GSE1: variants seen among roughly 807,000 people sequenced by gnomAD.
The protein encoded by GSE1 is genetic suppressor element 1.
A neutral mutation model predicts 112.6 loss-of-function variants in GSE1; 32 were observed. The ratio of observed to expected loss-of-function variants is 0.28; its 90% CI spans 0.21 to 0.38. The LOEUF (loss-of-function observed/expected upper bound fraction) is 0.38, where lower values mean the gene tolerates loss of function less well. Ranked by LOEUF, GSE1 falls within the 10% of genes least tolerant of loss-of-function variation. GSE1 has a pLI of 1.00. For synonymous variants in GSE1, 1,115 were observed against 735.6 expected (o/e 1.52, Z -8.35); for missense variants, 2,348 against 1,699.2 (o/e 1.38, Z -6.71).
chr16:85,364,000 G>A (rs1157139072), intron 2 of GSE1, among the ~76,000 whole-genome samples: 1 of 152,162 alleles, frequency 6.6e-6, no homozygotes, highest in Non-Finnish European at 1.5e-5. Context: ...CACAAACTTC[G>A]TGGCTTAAAA....
intron 1 of GSE1, among the ~76,000 whole-genome samples, chr16:85,235,752 C>T (rs1904568215): frequency 6.6e-6 from 1 of 151,136 alleles, no homozygotes; most frequent in Admixed American, 6.6e-5. Flanking sequence ...GGGGGCCCGC[C>T]CGCCCCAGGA....
intron 1 of GSE1, among the ~76,000 whole-genome samples, chr16:85,621,740 T>TGTGTCATCCGTGTCTC (rs2048757014): frequency 6.6e-6 from 1 of 152,208 alleles, no homozygotes; most frequent in Non-Finnish European, 1.5e-5. Context: ...CCTGGGGTTT[T>TGTGTCATCCGTGTCTC]GTGTCATCCG....
intron 2 of GSE1, among the ~76,000 whole-genome samples, chr16:85,436,475 T>C (rs2049249229): frequency 6.6e-6 from 1 of 152,268 alleles, no homozygotes; most frequent in Non-Finnish European, 1.5e-5. Context: ...TCTTTCATTT[T>C]ACTTGGGGTA....
chr16:85,309,586 C>T (rs1359269726), intron 1 of GSE1, among the ~76,000 whole-genome samples: 2 of 152,234 alleles, frequency 1.3e-5, no homozygotes, highest in Non-Finnish European at 1.5e-5. Flanking sequence ...TCCAAAATAG[C>T]GTCCTCGAGG....
At chr16:85,317,760 T>A (rs983152920) in intron 1 of GSE1, among the ~76,000 whole-genome samples, 2 of 152,214 alleles carry the variant, frequency 1.3e-5, no homozygotes, top group Non-Finnish European at 2.9e-5. Context: ...CCTGCCGCGC[T>A]GCCCACCAGT....
chr16:85,371,584 A>T (rs1017542704), intron 2 of GSE1, among the ~76,000 whole-genome samples: 6 of 152,150 alleles, frequency 3.9e-5, no homozygotes, highest in Admixed American at 3.3e-4. Context: ...GCCACAGCTG[A>T]CAGCCTTCTG....
intron 1 of GSE1, among the ~76,000 whole-genome samples, chr16:85,200,530 C>T (rs897771288): frequency 6.6e-6 from 1 of 152,124 alleles, no homozygotes; most frequent in Admixed American, 6.5e-5. Flanking sequence ...AAATCCTGAC[C>T]TGTCAGCTCT....
intron 1 of GSE1, among the ~76,000 whole-genome samples, chr16:85,556,529 G>A (rs1231116630): frequency 1.3e-5 from 2 of 151,396 alleles, no homozygotes; most frequent in African/African-American, 4.8e-5. Context: ...CTGCGGTCAA[G>A]CCCGCGGTGT....
intron 1 of GSE1, among the ~76,000 whole-genome samples, chr16:85,632,227 G>A (rs914744569): frequency 3.3e-5 from 5 of 152,232 alleles, no homozygotes; most frequent in African/African-American, 7.2e-5. Context: ...CGGCCACGGC[G>A]CCACCTGGCT....
chr16:85,310,079 G>GT (rs2045794154), intron 1 of GSE1, among the ~76,000 whole-genome samples: 1 of 152,238 alleles, frequency 6.6e-6, no homozygotes, highest in Non-Finnish European at 1.5e-5. Flanking sequence ...AAGCCACTTA[G>GT]CACGGCCTCA....
chr16:85,296,880 G>T (rs1460949384), intron 1 of GSE1, among the ~76,000 whole-genome samples: 1 of 151,622 alleles, frequency 6.6e-6, no homozygotes, highest in Non-Finnish European at 1.5e-5. Flanking sequence ...CTTGCAGTCT[G>T]TGAGGGCGGG....
intron 1 of GSE1, among the ~76,000 whole-genome samples, chr16:85,560,171 C>G (rs2045450395): frequency 8.6e-6 from 1 of 116,096 alleles, no homozygotes; most frequent in Non-Finnish European, 1.6e-5. Context: ...GAGTCTCTCT[C>G]TCTTGCCAGG....
At chr16:85,555,678 C>T (rs988002511), upstream of GSE1, 12 of 902,840 alleles carry the variant, frequency 1.3e-5, no homozygotes, top group Non-Finnish European at 1.5e-5. Flanking sequence ...TCCCGCCGCC[C>T]CCCCCTTCCT....
At chr16:85,643,356 G>A (rs2050599213) in intron 2 of GSE1, among the ~76,000 whole-genome samples, 1 of 152,216 alleles carries the variant, frequency 6.6e-6, no homozygotes, top group Non-Finnish European at 1.5e-5. Context: ...GCCTGGCGTT[G>A]TGGGGGCATC....
Position 85,341,887 on chromosome 16 carries a change from C to G in GSE1, c.2284-15576C>G, listed in dbSNP as rs113866975. Among the ~76,000 whole-genome samples, 347 of 152,196 alleles carry G rather than the reference C, an allele frequency of 2.3e-3. 2 individuals are homozygous for G. The highest frequency in any genetic ancestry group is 7.9e-3 in the African/African-American group (327 of 41,542). On this transcript the variant is annotated intron_variant, in intron 1 of 2. Transcript: ENST00000637419. Reference sequence around the variant, plus strand: ...TCGTGGTGATGGCTAGGGTTGGATCCTAGCCTTGCCTGCTAACGAGCCAAT... The same window carrying G: ...TCGTGGTGATGGCTAGGGTTGGATCGTAGCCTTGCCTGCTAACGAGCCAAT...
In GSE1 at chr16:85,661,168, C is replaced by T. The variant is rs766748342; in HGVS notation, c.1663C>T (p.Pro555Ser). ...TTRPGPNRHE[P>S]GGRDPPQHFG... ...TAGGCCAGGACCAAACCGTCACGAG[C>T]CAGGTGGCCGTGACCCTCCGCAGCA... Residue 555 changes from proline (P) to serine (S), a missense_variant, in exon 9 of 16, where the codon CCA becomes TCA. Coordinates refer to ENST00000253458, the MANE Select transcript of GSE1 (RefSeq NM_014615.5). 1 of 1,591,860 alleles carries T rather than the reference C, an allele frequency of 6.3e-7. No individual in the cohort carries two copies. The highest frequency in any genetic ancestry group is 8.6e-7 in the Non-Finnish European group (1 of 1,163,800).
chr16:85,380,587 C>T (rs763331433), intron 2 of GSE1, among the ~76,000 whole-genome samples: 13 of 152,062 alleles, frequency 8.5e-5, no homozygotes, highest in Non-Finnish European at 1.6e-4. Flanking sequence ...CCCTCATGGT[C>T]GAGGTTTAGT....
chr16:85,533,040 C>T (rs192142743), intron 2 of GSE1, among the ~76,000 whole-genome samples: 68 of 152,316 alleles, frequency 4.5e-4, no homozygotes, highest in Non-Finnish European at 8.5e-4. Flanking sequence ...CAGTGTTGAT[C>T]TGGTCTCCAA....
intron 2 of GSE1, among the ~76,000 whole-genome samples, chr16:85,426,481 G>A (rs1163083199): frequency 3.0e-5 from 4 of 135,148 alleles, no homozygotes; most frequent in Non-Finnish European, 6.2e-5. Flanking sequence ...AGGGAGGGAG[G>A]GTAGATGTGT....
Sources: allele counts gnomAD v4.1 joint callset (sites outside exome capture counted in the v4.1 genomes callset), GRCh38; gene constraint gnomAD v4.1.1; transcripts MANE v1.5; gene names NCBI Gene and HGNC (gene_info 2026-07-23, HGNC 2026-07-21).